The following TRRAP variants were observed in gnomAD, a reference collection of about 807,000 sequenced individuals.
The protein encoded by TRRAP is transformation/transcription domain associated protein, also known as transformation/transcription domain-associated protein.
Under a neutral mutation model 438.8 loss-of-function variants are expected in TRRAP, and 41 were observed. The observed-to-expected ratio is 0.09, with a 90% CI of 0.07 to 0.12. TRRAP has a LOEUF of 0.12. TRRAP is among the 10% of genes least tolerant of loss of function. The probability of loss-of-function intolerance (pLI) is 1.00; values close to 1 mark genes in which losing one functional copy is unlikely to be tolerated. For synonymous variants in TRRAP, 1,994 were observed against 1,962.9 expected, an observed-to-expected ratio of 1.02 and a Z score of -0.42; for missense variants, 3,122 against 5,055.1, an observed-to-expected ratio of 0.62 and a Z score of 11.60.
rs1429946097 is a variant in TRRAP, at chr7:99,011,663, GTGTGTTA to G, written c.11337+132_11337+138del. 9.2e-7 allele frequency: 1 copy of G among 1,089,304 alleles called. No individual in the cohort carries two copies. Among genetic ancestry groups the G allele is most frequent in the African/African-American group, 1.6e-5 (1 of 63,012 alleles). The allele number at this position is 1,089,304 out of a possible 1,614,324, so 67.5% of individuals were successfully genotyped here. On this transcript the variant is annotated intron_variant, in intron 72 of 72. Coordinates refer to ENST00000456197, the MANE Select transcript of TRRAP (RefSeq NM_001375524.1). This position sits in a 1 kb window ranked among gnomAD's most constrained non-coding sequence, Gnocchi z 7.1. ...GCTCTCCACAGTGGCCAGCACCCCT[GTGTGTTA>G]TGTCCTTTGCTGTGAGGGCAAGGGA...
At chr7:98,937,312 G>A (rs1352144276) in intron 29 of TRRAP, 35 bp downstream of exon 29, 1 of 1,566,480 alleles carries the variant, frequency 6.4e-7, no homozygotes, top group Non-Finnish European at 8.7e-7. Flanking sequence ...GCGCACGCGT[G>A]TGTGCACACA....
At chr7:98,991,282 G>A (rs1793419264) in intron 64 of TRRAP, among the ~76,000 whole-genome samples, 1 of 152,208 alleles carries the variant, frequency 6.6e-6, no homozygotes, top group East Asian at 1.9e-4. Context: ...GGTTGCTTTT[G>A]TAAAATCACG....
chr7:98,934,519 A>C (rs1004949498), intron 27 of TRRAP, among the ~76,000 whole-genome samples: 5 of 152,200 alleles, frequency 3.3e-5, no homozygotes, highest in African/African-American at 9.7e-5. Context: ...TCCTCACTGC[A>C]CTTAAGACCA....
intron 38 of TRRAP, 150 bp downstream of exon 38, chr7:98,950,412 C>A: frequency 1.1e-6 from 1 of 931,584 alleles, no homozygotes; most frequent in Non-Finnish European, 1.6e-6. Context: ...ATCCCAGGTA[C>A]TCAGGAGGCC....
At chr7:98,961,563 T>C in intron 46 of TRRAP, 89 bp downstream of exon 46, 1 of 1,463,442 alleles carries the variant, frequency 6.8e-7, no homozygotes, top group South Asian at 1.2e-5. Context: ...CCAGTTATTG[T>C]GTCGAGCGCT....
At chr7:98,926,550 A>T (rs1480532907) in intron 22 of TRRAP, among the ~76,000 whole-genome samples, 1 of 152,232 alleles carries the variant, frequency 6.6e-6, no homozygotes, top group Non-Finnish European at 1.5e-5. Context: ...TTCAGATAAA[A>T]ACAGAAATCT....
intron 61 of TRRAP, 118 bp downstream of exon 61, chr7:98,984,476 A>C: frequency 7.9e-7 from 1 of 1,268,662 alleles, no homozygotes; most frequent in Non-Finnish European, 1.1e-6. Flanking sequence ...ACTTTCCACA[A>C]ATACAGCCTC....
At chr7:98,946,969 G>A (rs1239871208) in intron 33 of TRRAP, among the ~76,000 whole-genome samples, 3 of 152,366 alleles carry the variant, frequency 2.0e-5, no homozygotes, top group African/African-American at 7.2e-5. Flanking sequence ...CTGGCCTTGA[G>A]CCCATTTTCC....
chr7:98,984,313 C>T lies in TRRAP; in HGVS notation c.9243C>T (p.Cys3081=), dbSNP rs375485398. 1.5e-5 allele frequency: 24 copies of T among 1,603,064 alleles called. No homozygotes were observed. In the African/African-American group the frequency reaches 3.1e-4, roughly 21 times the overall value. The change falls in exon 61 of 73, where the codon TGC becomes TGT. Residue 3081 remains cysteine (C), a synonymous_variant. Transcript: ENST00000456197. ...CFQKIRQQVK[C]YLQLAGVMGK... ...AGAAGATTCGACAGCAAGTTAAATG[C>T]TACCTCCAGCTGGCAGGCGTCATGG...
intron 21 of TRRAP, among the ~76,000 whole-genome samples, chr7:98,924,390 C>G (rs1398523481): frequency 1.3e-5 from 2 of 152,196 alleles, no homozygotes; most frequent in African/African-American, 4.8e-5. Context: ...CCACTGTGCT[C>G]TCTTCAAAAG....
chr7:98,979,834 C>T (rs773532720), intron 58 of TRRAP, among the ~76,000 whole-genome samples: 1 of 152,170 alleles, frequency 6.6e-6, no homozygotes, highest in Non-Finnish European at 1.5e-5. Context: ...GTAATCTGCA[C>T]TAAATTAATT....
chr7:98,982,311 G>A (rs1428115461), intron 59 of TRRAP, among the ~76,000 whole-genome samples: 1 of 152,144 alleles, frequency 6.6e-6, no homozygotes, highest in Non-Finnish European at 1.5e-5. Flanking sequence ...GTTAGGAAAT[G>A]TTTTCCGAAA....
intron 56 of TRRAP, 59 bp from the exon 57 acceptor site, chr7:98,978,152 A>C: frequency 6.9e-7 from 1 of 1,444,368 alleles, no homozygotes; most frequent in Non-Finnish European, 9.6e-7. Flanking sequence ...TAAATTTAAA[A>C]AGAAAGAAAA....
intron 1 of TRRAP, among the ~76,000 whole-genome samples, chr7:98,880,262 G>GTTTTT (rs201053093): frequency 0.25 from 32,449 of 130,722 alleles, 4,967 homozygotes; most frequent in South Asian, 0.36. Flanking sequence ...TGTTGTTGTT[G>GTTTTT]TTTTTTTTTT....
chr7:98,948,430 AGCATAAAGACG>A lies in TRRAP; in HGVS notation c.4668+91_4668+101del, dbSNP rs1791184255. 1 of 1,609,664 alleles carries A rather than the reference AGCATAAAGACG, an allele frequency of 6.2e-7. No homozygotes were observed. Among genetic ancestry groups the A allele is most frequent in the Non-Finnish European group, 8.5e-7 (1 of 1,177,660 alleles). ...TGATCGTATTTTCAATGGACGGAAC[AGCATAAAGACG>A]TTCGATGTCAACATTTGCTTGTGGG... On this transcript the variant is annotated intron_variant, in intron 34 of 72. Transcript: ENST00000456197. This position sits in a 1 kb window ranked among gnomAD's most constrained non-coding sequence, Gnocchi z 4.9.
Position 99,007,709 on chromosome 7 carries a change from C to T in TRRAP, c.10754-668C>T, listed in dbSNP as rs149159251. Among the ~76,000 whole-genome samples, 935 of 152,004 alleles carry T rather than the reference C, an allele frequency of 6.2e-3. 17 individuals carry two copies. Among genetic ancestry groups the T allele is most frequent in the African/African-American group, 0.021 (879 of 41,424 alleles). On this transcript the variant is annotated intron_variant, in intron 69 of 72. Coordinates refer to ENST00000456197, the MANE Select transcript of TRRAP (RefSeq NM_001375524.1). Reference sequence around the variant, plus strand: ...TGTCACCCAGACTGGAGTGCAGTGGCGCAGTCACAGCTCACTGCAGCCTCC... The same window carrying T: ...TGTCACCCAGACTGGAGTGCAGTGGTGCAGTCACAGCTCACTGCAGCCTCC...
At chr7:98,992,058 G>T (rs1425763627) in intron 64 of TRRAP, 79 bp from the exon 65 acceptor site, 3 of 1,495,924 alleles carry the variant, frequency 2.0e-6, no homozygotes, top group Non-Finnish European at 2.8e-6. Flanking sequence ...ACTTGACATT[G>T]GTTATTTTCA....
At chr7:98,894,182 A>T (rs1796092339) in intron 6 of TRRAP, among the ~76,000 whole-genome samples, 1 of 152,204 alleles carries the variant, frequency 6.6e-6, no homozygotes, top group Non-Finnish European at 1.5e-5. Context: ...AGGGATTAAG[A>T]TGTGGGCTCT....
chr7:98,911,304 A>T, intron 17 of TRRAP, 33 bp downstream of exon 17: 1 of 1,536,890 alleles, frequency 6.5e-7, no homozygotes. Context: ...TTGTTTGAAC[A>T]TTACAATTCT....
Sources: gnomAD v4.1 joint callset for allele counts (sites outside exome capture counted in the v4.1 genomes callset) on GRCh38, gnomAD v4.1.1 for gene constraint, Gnocchi (gnomAD v3.1) non-coding constraint, MANE v1.5 for transcripts, NCBI Gene and HGNC (gene_info 2026-07-23, HGNC 2026-07-21) for gene names.